The following ASIC2 variants were observed in gnomAD, a reference collection of about 807,000 sequenced individuals.
ASIC2 encodes the protein acid-sensing ion channel 2.
In ASIC2, 25 loss-of-function variants were observed where a neutral mutation model predicts 57.3. That is an observed-to-expected ratio of 0.44 (90% CI 0.32 to 0.61). The LOEUF is 0.61. ASIC2 is among the 20% of genes least tolerant of loss of function. The pLI, the probability that ASIC2 is intolerant of heterozygous loss-of-function variation, is 0.06. For missense variants in ASIC2, 641 were observed against 738.1 expected, an observed-to-expected ratio of 0.87 and a Z score of 1.52; for synonymous variants, 319 against 307.5, an observed-to-expected ratio of 1.04 and a Z score of -0.39.
intron 1 of ASIC2, among the ~76,000 whole-genome samples, chr17:34,084,950 G>A (rs1464099524): frequency 2.0e-5 from 3 of 152,158 alleles, no homozygotes; most frequent in African/African-American, 7.2e-5. Flanking sequence ...TGAGACGATG[G>A]GGTTTTCTAG....
At chr17:33,404,787 C>T (rs1343655176) in intron 1 of ASIC2, among the ~76,000 whole-genome samples, 1 of 152,150 alleles carries the variant, frequency 6.6e-6, no homozygotes, top group African/African-American at 2.4e-5. Context: ...TCAGTTTTAT[C>T]AAAGTTCAAT....
At chr17:33,692,547 A>G (rs749305399) in intron 1 of ASIC2, 17 of 152,342 alleles carry the variant, frequency 1.1e-4, no homozygotes, top group African/African-American at 3.8e-4. Flanking sequence ...AAAGCTATCT[A>G]AACATAGAAA....
At chr17:33,223,697 G>A (rs1487492273) in intron 1 of ASIC2, among the ~76,000 whole-genome samples, 2 of 152,222 alleles carry the variant, frequency 1.3e-5, no homozygotes, top group African/African-American at 4.8e-5. Flanking sequence ...AGACAAAGGA[G>A]CCTAAAATGG....
chr17:33,244,339 C>A (rs538283489), intron 1 of ASIC2, among the ~76,000 whole-genome samples: 4 of 150,650 alleles, frequency 2.7e-5, no homozygotes, highest in African/African-American at 9.8e-5. Context: ...TGTAGACAAC[C>A]GGACTGGAAA....
At chr17:34,007,182 C>T (rs1029446035) in intron 1 of ASIC2, among the ~76,000 whole-genome samples, 7 of 152,278 alleles carry the variant, frequency 4.6e-5, no homozygotes, top group Admixed American at 6.5e-5. Flanking sequence ...GCATCAAAAT[C>T]GATTTTAGAG....
chr17:33,064,353 T>C (rs2092034027), intron 3 of ASIC2, among the ~76,000 whole-genome samples: 1 of 152,232 alleles, frequency 6.6e-6, no homozygotes. Context: ...GGCTGTCCTT[T>C]CTGTTTGTTA....
chr17:33,843,669 G>T (rs776003582), intron 1 of ASIC2, among the ~76,000 whole-genome samples: 11 of 152,146 alleles, frequency 7.2e-5, no homozygotes, highest in Non-Finnish European at 1.3e-4. Context: ...AGCTCATCTG[G>T]CAATCTCAGG....
chr17:33,430,850 G>C (rs543959963), intron 1 of ASIC2, among the ~76,000 whole-genome samples: 1 of 152,248 alleles, frequency 6.6e-6, no homozygotes, highest in East Asian at 1.9e-4. Flanking sequence ...AGAGCAACTA[G>C]AGACCAAAGC....
chr17:33,228,627 G>A (rs1213028884), intron 1 of ASIC2, among the ~76,000 whole-genome samples: 2 of 152,262 alleles, frequency 1.3e-5, no homozygotes, highest in Non-Finnish European at 2.9e-5. Flanking sequence ...TAGCATGTGA[G>A]AGTGATTGTG....
rs372999845 is a variant in ASIC2 at position 33,017,355 on chromosome 17, T to C, written c.1521+250A>G. Among the ~76,000 whole-genome samples the C allele has an allele frequency of 1.1e-3, 160 of 152,278 alleles. 2 individuals carry two copies. The highest frequency in any genetic ancestry group is 3.6e-3 in the African/African-American group (149 of 41,554). On this transcript the variant is annotated intron_variant, in intron 8 of 9. Transcript: ENST00000225823. ...CCCCATCCTTCCCTGCCAGTGTAGA[T>C]GGCCCAGTGCTGTTCCAGCTCCCAG...
chr17:33,457,853 T>C (rs1689936916), intron 1 of ASIC2, among the ~76,000 whole-genome samples: 1 of 152,224 alleles, frequency 6.6e-6, no homozygotes, highest in African/African-American at 2.4e-5. Flanking sequence ...AGCAATTTGC[T>C]CAATGCCACA....
At chr17:33,566,965 G>A (rs536757905) in intron 1 of ASIC2, among the ~76,000 whole-genome samples, 22 of 152,208 alleles carry the variant, frequency 1.4e-4, no homozygotes, top group African/African-American at 5.3e-4. Flanking sequence ...TTCCCCTGGT[G>A]AGATCATGTT....
intron 1 of ASIC2, among the ~76,000 whole-genome samples, chr17:34,104,197 T>C (rs947560484): frequency 1.3e-5 from 2 of 152,150 alleles, no homozygotes; most frequent in Non-Finnish European, 2.9e-5. Context: ...TCAAGCATTT[T>C]ACATTTTTAT....
chr17:33,403,012 G>T (rs1231688634), intron 1 of ASIC2, among the ~76,000 whole-genome samples: 1 of 152,186 alleles, frequency 6.6e-6, no homozygotes, highest in Non-Finnish European at 1.5e-5. Flanking sequence ...TACTGTTGGT[G>T]GGATCAATCG....
At chr17:33,600,475 C>T (rs1428837323) in intron 1 of ASIC2, among the ~76,000 whole-genome samples, 2 of 152,290 alleles carry the variant, frequency 1.3e-5, no homozygotes, top group South Asian at 2.1e-4. Context: ...AGAAGTGTGG[C>T]TATTGCTATA....
At chr17:33,494,043 C>A (rs921667149) in intron 1 of ASIC2, among the ~76,000 whole-genome samples, 1 of 152,174 alleles carries the variant, frequency 6.6e-6, no homozygotes, top group Non-Finnish European at 1.5e-5. Context: ...GACTCTGAAG[C>A]GAAAGGTTTG....
chr17:33,215,283 C>G (rs373614), intron 1 of ASIC2, among the ~76,000 whole-genome samples: 92,672 of 152,096 alleles, frequency 0.61, 29,522 homozygotes, highest in Non-Finnish European at 0.72. Context: ...TGGCACCTAT[C>G]AAATGCCTTA....
intron 1 of ASIC2, among the ~76,000 whole-genome samples, chr17:33,234,432 G>A (rs1908219988): frequency 6.6e-6 from 1 of 152,164 alleles, no homozygotes; most frequent in Admixed American, 6.5e-5. Context: ...AAGTGCAGCG[G>A]CAGACCCTGT....
At chr17:33,114,245 C>G (rs565915064) in intron 1 of ASIC2, among the ~76,000 whole-genome samples, 9 of 152,242 alleles carry the variant, frequency 5.9e-5, no homozygotes, top group African/African-American at 2.2e-4. Flanking sequence ...TTCAAAGAAC[C>G]AAGTTTTTTC....
Sources: gnomAD v4.1 joint callset for allele counts (sites outside exome capture counted in the v4.1 genomes callset) on GRCh38, gnomAD v4.1.1 for gene constraint, MANE v1.5 for transcripts, NCBI Gene and HGNC (gene_info 2026-07-23, HGNC 2026-07-21) for gene names.